TSPAN9: variants seen among roughly 807,000 people sequenced by gnomAD.
TSPAN9 encodes tetraspanin-9.
A neutral mutation model predicts 31.0 loss-of-function variants in TSPAN9; 16 were observed. That is an observed-to-expected ratio of 0.52 (90% confidence interval 0.35 to 0.78). The LOEUF is 0.78. Among genes scored for constraint, TSPAN9 ranks in the 30% least tolerant of loss-of-function variants. TSPAN9 has a pLI of 0.01. For synonymous variants in TSPAN9, 145 were observed against 121.6 expected, an observed-to-expected ratio of 1.19 and a Z score of -1.27; for missense variants, 272 against 312.5, an observed-to-expected ratio of 0.87 and a Z score of 0.98.
At chr12:3,223,313 C>T (rs1379052096) in intron 3 of TSPAN9, among the ~76,000 whole-genome samples, 1 of 152,152 alleles carries the variant, frequency 6.6e-6, no homozygotes, top group Non-Finnish European at 1.5e-5. Flanking sequence ...ACACAGCTCA[C>T]CGCCAAGGCC....
chr12:3,078,419 A>G (rs1591616447), intron 1 of TSPAN9, among the ~76,000 whole-genome samples: 3 of 152,288 alleles, frequency 2.0e-5, no homozygotes, highest in South Asian at 2.1e-4. Context: ...GGATCCCTAT[A>G]TATACCTGCC....
intron 3 of TSPAN9, 93 bp downstream of exon 3, chr12:3,201,349 G>T (rs2098371662): frequency 1.2e-5 from 15 of 1,269,738 alleles, no homozygotes; most frequent in Non-Finnish European, 1.6e-5. Flanking sequence ...GTGCTGCATT[G>T]CTCTGCTCTC....
chr12:3,169,656 C>T (rs1451538203), intron 2 of TSPAN9, among the ~76,000 whole-genome samples: 2 of 152,230 alleles, frequency 1.3e-5, no homozygotes, highest in Non-Finnish European at 2.9e-5. Flanking sequence ...GTGGGAATCA[C>T]AGCTAGAAAA....
chr12:3,266,453 G>T lies in TSPAN9; in HGVS notation c.64-11968G>T, dbSNP rs1264184819. Among the ~76,000 whole-genome samples, 4 of 152,230 alleles carry T rather than the reference G, an allele frequency of 2.6e-5. No homozygotes were observed. In the East Asian group the frequency reaches 7.7e-4, roughly 29 times the overall value. ...AACATGAGGAGGAAGGGCAGGGAAGGCGGGCCGTGGGCACTGGGAGCAGGT... is the reference window on the plus strand; with the variant it reads ...AACATGAGGAGGAAGGGCAGGGAAGTCGGGCCGTGGGCACTGGGAGCAGGT... On this transcript the variant is annotated intron_variant, in intron 3 of 8. Coordinates refer to ENST00000011898, the MANE Select transcript of TSPAN9 (RefSeq NM_006675.5).
At chr12:3,137,915 G>A (rs1033764014) in intron 2 of TSPAN9, among the ~76,000 whole-genome samples, 1 of 152,172 alleles carries the variant, frequency 6.6e-6, no homozygotes, top group African/African-American at 2.4e-5. Context: ...TCAAGAGAGG[G>A]GCAGCTTTGT....
At chr12:3,239,284 C>A (rs981980761) in intron 3 of TSPAN9, among the ~76,000 whole-genome samples, 1 of 152,174 alleles carries the variant, frequency 6.6e-6, no homozygotes, top group East Asian at 1.9e-4. Flanking sequence ...TGGGCAGGAG[C>A]CTGCTTGGCT....
intron 3 of TSPAN9, among the ~76,000 whole-genome samples, chr12:3,205,368 G>A (rs1258565523): frequency 1.3e-5 from 2 of 152,204 alleles, no homozygotes; most frequent in African/African-American, 4.8e-5. Context: ...GCAGAGTGCT[G>A]ATGGGGCCCT....
intron 2 of TSPAN9, among the ~76,000 whole-genome samples, chr12:3,194,312 A>G (rs753005005): frequency 1.3e-5 from 2 of 152,182 alleles, no homozygotes; most frequent in Non-Finnish European, 2.9e-5. Context: ...ACCTTTCTCC[A>G]GAGAGGGAGG....
chr12:3,170,091 G>C lies in TSPAN9; in HGVS notation c.-17-31086G>C, dbSNP rs1352579996. On this transcript the variant is annotated intron_variant, in intron 2 of 8. Transcript: ENST00000011898. The surrounding 1 kb of genome is among the most constrained non-coding windows in gnomAD (Gnocchi z 4.4). ...TGAGCAAGTCCCTTTACTTCTCTCT[G>C]TTCCACGTCCTTCATCTGGGAATAA... Among the ~76,000 whole-genome samples the C allele has an allele frequency of 2.0e-5, 3 of 152,170 alleles. No individual in the cohort carries two copies. Among genetic ancestry groups the C allele is most frequent in the Non-Finnish European group, 4.4e-5 (3 of 68,030 alleles).
At chr12:3,141,491 T>C (rs1180667433) in intron 2 of TSPAN9, among the ~76,000 whole-genome samples, 1 of 152,158 alleles carries the variant, frequency 6.6e-6, no homozygotes, top group Non-Finnish European at 1.5e-5. Context: ...CCCACACATC[T>C]TTCTAGGGCC....
chr12:3,112,241 G>C (rs1262073004), intron 2 of TSPAN9, among the ~76,000 whole-genome samples: 2 of 147,284 alleles, frequency 1.4e-5, no homozygotes, highest in Non-Finnish European at 3.0e-5. Flanking sequence ...ACAATGGCAC[G>C]ATCTCGGCTC....
intron 2 of TSPAN9, among the ~76,000 whole-genome samples, chr12:3,088,650 A>G (rs2098302046): frequency 6.6e-6 from 1 of 152,300 alleles, no homozygotes; most frequent in African/African-American, 2.4e-5. Context: ...AGACCATGCA[A>G]TTCAGGGCAG....
At chr12:3,213,163 A>G (rs375047409) in intron 3 of TSPAN9, among the ~76,000 whole-genome samples, 2 of 152,316 alleles carry the variant, frequency 1.3e-5, no homozygotes, top group East Asian at 3.9e-4. Flanking sequence ...AAAGAACGCC[A>G]GGTGGAGGAA....
chr12:3,269,510 G>A (rs1247645613), intron 3 of TSPAN9, among the ~76,000 whole-genome samples: 2 of 147,996 alleles, frequency 1.4e-5, no homozygotes, highest in Non-Finnish European at 3.0e-5. Flanking sequence ...CCCTCTCTGT[G>A]TTCCTGCAGC....
At chr12:3,115,520 A>C (rs1013682653) in intron 2 of TSPAN9, among the ~76,000 whole-genome samples, 1 of 152,222 alleles carries the variant, frequency 6.6e-6, no homozygotes, top group Non-Finnish European at 1.5e-5. Context: ...GGTGGCTTAT[A>C]AACAATAGGC....
In TSPAN9 at chr12:3,172,450, G is replaced by A. The variant is rs2098352498; in HGVS notation, c.-17-28727G>A. 6.6e-6 allele frequency: 1 copy of A among 152,270 alleles called. No individual in the cohort carries two copies. The highest frequency in any genetic ancestry group is 1.5e-5 in the Non-Finnish European group (1 of 68,070). The allele number at this position is 152,270 out of a possible 1,614,324, so 9.4% of individuals were successfully genotyped here. On this transcript the variant is annotated intron_variant, in intron 2 of 8. Transcript: ENST00000011898. The surrounding 1 kb of genome is among the most constrained non-coding windows in gnomAD (Gnocchi z 4.8). ...CTAAAACGAGAGAGATTAATAACTGGTGGTTCTTAGTCTGGCGCGAGCGGG... is the reference window on the plus strand; with the variant it reads ...CTAAAACGAGAGAGATTAATAACTGATGGTTCTTAGTCTGGCGCGAGCGGG...
chr12:3,280,192 G>A lies in TSPAN9; in HGVS notation c.331-190G>A, dbSNP rs1017942129. 6.6e-6 allele frequency among the ~76,000 whole-genome samples: 1 copy of A among 152,112 alleles called. No individual in the cohort carries two copies. Among genetic ancestry groups the A allele is most frequent in the African/African-American group, 2.4e-5 (1 of 41,402 alleles). On this transcript the variant is annotated intron_variant, in intron 5 of 8. Coordinates refer to ENST00000011898, the MANE Select transcript of TSPAN9 (RefSeq NM_006675.5). The surrounding 1 kb of genome is among the most constrained non-coding windows in gnomAD (Gnocchi z 4.5). ...CTGTATTCTGAAACTGGGAGTGTGT[G>A]CCTAACCCCGCACCTCTGTTGGGCC...
intron 2 of TSPAN9, among the ~76,000 whole-genome samples, chr12:3,128,439 A>T (rs1360317690): frequency 6.6e-6 from 1 of 152,176 alleles, no homozygotes; most frequent in Non-Finnish European, 1.5e-5. Context: ...TTACACACAA[A>T]AGGAGGCTGG....
intron 2 of TSPAN9, chr12:3,125,138 A>T (rs968079333): frequency 2.6e-5 from 4 of 152,008 alleles, no homozygotes; most frequent in East Asian, 3.8e-4. Context: ...ACAAATCCTA[A>T]TTTTTTTTAA....
Sources: gnomAD v4.1 joint callset for allele counts (sites outside exome capture counted in the v4.1 genomes callset) on GRCh38, gnomAD v4.1.1 for gene constraint, Gnocchi (gnomAD v3.1) non-coding constraint, MANE v1.5 for transcripts, NCBI Gene and HGNC (gene_info 2026-07-23, HGNC 2026-07-21) for gene names.